KANK2: variants seen among roughly 807,000 people sequenced by gnomAD.
The protein encoded by KANK2 is KN motif and ankyrin repeat domains 2, also known as KN motif and ankyrin repeat domain-containing protein 2.
KANK2 carries 41 observed loss-of-function variants against 74.6 expected under a neutral mutation model. That is an observed-to-expected ratio of 0.55 (90% CI 0.43 to 0.71). The LOEUF is 0.71. Among genes scored for constraint, KANK2 ranks in the 30% least tolerant of loss-of-function variants. KANK2 has a pLI of 0.00. For missense variants in KANK2, 1,148 were observed against 1,196.4 expected (o/e 0.96, Z 0.60); for synonymous variants, 537 against 519.0 (o/e 1.03, Z -0.47).
chr19:11,194,135 C>A, intron 3 of KANK2, 93 bp from the exon 4 acceptor site: 4 of 1,385,220 alleles, frequency 2.9e-6, no homozygotes, highest in Non-Finnish European at 3.9e-6. Context: ...GGTTTATTTG[C>A]CGAAGAGATG....
chr19:11,194,717 G>T (rs555313320), intron 2 of KANK2, 127 bp from the exon 3 acceptor site: 17 of 524,858 alleles, frequency 3.2e-5, no homozygotes, highest in African/African-American at 3.1e-4. Context: ...ACTCATAGAC[G>T]CACACCCAGC....
chr19:11,183,182 A>G (rs2078578532), intron 4 of KANK2, among the ~76,000 whole-genome samples: 1 of 152,226 alleles, frequency 6.6e-6, no homozygotes, highest in South Asian at 2.1e-4. Context: ...CAAAGCTACA[A>G]CCATGAGAAC....
In KANK2 at chr19:11,174,474, G is replaced by A. The variant is rs200918610; in HGVS notation, c.2067C>T (p.Ser689=). Residue 689 remains serine, a splice_region_variant and synonymous_variant, in exon 9 of 13, where the codon AGC becomes AGT. Coordinates refer to ENST00000586659, the MANE Select transcript of KANK2 (RefSeq NM_001136191.3). ...NFPVVQQLLD[S]GVCKVDKQNR... ...CCTCGTCCTCCCCGCTGGGCTCACC[G>A]CTGTCGAGCAGCTGCTGCACCACGG... 39 of 1,604,994 alleles carry A rather than the reference G, an allele frequency of 2.4e-5. No individual in the cohort carries two copies. The highest frequency in any genetic ancestry group is 6.7e-5 in the South Asian group (6 of 89,566).
chr19:11,183,786 G>A (rs1384720019), intron 4 of KANK2, among the ~76,000 whole-genome samples: 1 of 152,082 alleles, frequency 6.6e-6, no homozygotes, highest in Admixed American at 6.6e-5. Flanking sequence ...GAGTAGCTGG[G>A]ATTACAAGTG....
At chr19:11,187,714 A>G (rs1000263884) in intron 4 of KANK2, among the ~76,000 whole-genome samples, 5 of 152,232 alleles carry the variant, frequency 3.3e-5, no homozygotes, top group African/African-American at 7.2e-5. Flanking sequence ...GCAACTGCAA[A>G]ATGAAGGCCC....
In KANK2 at chr19:11,172,158, G is replaced by C. The variant is rs188258761; in HGVS notation, c.2211+823C>G. On this transcript the variant is annotated intron_variant, in intron 10 of 12. Transcript: ENST00000586659. ...GCCCAGCTAATTTTTTAATTTTTTAGTAAAGGCAGGGTTTCACCATGTTGG... is the reference window on the plus strand; with the variant it reads ...GCCCAGCTAATTTTTTAATTTTTTACTAAAGGCAGGGTTTCACCATGTTGG... Among the ~76,000 whole-genome samples the C allele has an allele frequency of 1.3e-3, 189 of 150,690 alleles. 1 individual carries two copies. The highest frequency in any genetic ancestry group is 4.6e-3 in the African/African-American group (187 of 40,386).
chr19:11,195,670 A>AGTCTCTCTGTGTCTCTCCAC lies in KANK2; in HGVS notation c.-148_-129dup, dbSNP rs71164166. The AGTCTCTCTGTGTCTCTCCAC allele has an allele frequency of 7.3e-5, 11 of 150,340 alleles. No homozygotes were observed. Among genetic ancestry groups the AGTCTCTCTGTGTCTCTCCAC allele is most frequent in the Admixed American group, 2.7e-4 (4 of 15,054 alleles). 9.3% of individuals were successfully genotyped at this position (150,340 alleles called of 1,614,324 possible). On this transcript the variant is annotated 5_prime_UTR_variant, in exon 2 of 13. Coordinates refer to ENST00000586659, the MANE Select transcript of KANK2 (RefSeq NM_001136191.3). ...TCCTGTCTTGCTTTGTCTCTCTCCA[A>AGTCTCTCTGTGTCTCTCCAC]GTCTCTCTGTGTCTCTCCACGTCTC...
chr19:11,179,948 C>T (rs955461307), intron 4 of KANK2, among the ~76,000 whole-genome samples: 10 of 152,228 alleles, frequency 6.6e-5, no homozygotes, highest in Non-Finnish European at 1.0e-4. Context: ...GTAACCTGTG[C>T]CTCCCGGATT....
rs983702148 is a variant in KANK2 at position 11,165,027 on chromosome 19, T to C, written c.*1531A>G. 2.2e-4 allele frequency: 34 copies of C among 152,228 alleles called. No individual in the cohort carries two copies. The highest frequency in any genetic ancestry group is 8.2e-4 in the African/African-American group (34 of 41,542). The allele number at this position is 152,228 out of a possible 1,614,324, so 9.4% of individuals were successfully genotyped here. ...AGCGCACTCCTGATCACAAAGCACA[T>C]TTTTAGAGGCTTGGAACCCTTCCCT... On this transcript the variant is annotated 3_prime_UTR_variant, in exon 13 of 13. Coordinates refer to ENST00000586659, the MANE Select transcript of KANK2 (RefSeq NM_001136191.3).
chr19:11,174,555 G>C lies in KANK2; in HGVS notation c.1986C>G (p.Ile662Met), dbSNP rs148849463. The C allele has an allele frequency of 2.5e-6, 4 of 1,613,598 alleles. No homozygotes were observed. The highest frequency in any genetic ancestry group is 1.3e-5 in the African/African-American group (1 of 75,040). The change falls in exon 9 of 13, where the codon ATC becomes ATG. Residue 662 changes from isoleucine (I) to methionine (M), a missense_variant. Physicochemically the swap from Ile to Met is conservative, Grantham distance 10. Transcript: ENST00000586659. ...GGGCTGTGTTGCCGTTGCTGTCGGC[G>C]ATGTTGACCACGTAGTCCAGCAGCC... Reference protein sequence around the residue: ...SARLLDYVVNIADSNGNTALH... With the variant: ...SARLLDYVVNMADSNGNTALH...
intron 8 of KANK2, among the ~76,000 whole-genome samples, chr19:11,175,427 CA>C (rs753933217): frequency 0.013 from 200 of 14,954 alleles, no homozygotes; most frequent in Non-Finnish European, 0.017. Context: ...GACTCCCTCT[CA>C]AAAAAAAAAA....
Position 11,193,523 on chromosome 19 carries a change from G to A in KANK2, c.557C>T (p.Ala186Val), listed in dbSNP as rs1377806143. ...ACCCGCCATCTGCTCCCGCACGTGG[G>A]CCAGGTGCCCGGCACTGGGAGGCAC... is the stretch of plus-strand genomic sequence containing the variant. Reference protein sequence around the residue: ...TPVPPSAGHLAHVREQMAGAL... With the variant: ...TPVPPSAGHLVHVREQMAGAL... Residue 186 changes from alanine (A) to valine (V), a missense_variant, in exon 4 of 13, where the codon GCC (alanine) becomes GTC (valine). Ala to Val is a moderately conservative substitution (Grantham distance 64, BLOSUM62 0). Transcript: ENST00000586659. The surrounding 1 kb of genome is among the most constrained non-coding windows in gnomAD (Gnocchi z 9.6). 6.2e-7 allele frequency: 1 copy of A among 1,607,744 alleles called. No homozygotes were observed. Among genetic ancestry groups the A allele is most frequent in the Non-Finnish European group, 8.5e-7 (1 of 1,179,664 alleles).
chr19:11,171,709 C>T (rs373202801), intron 10 of KANK2, among the ~76,000 whole-genome samples: 1 of 150,052 alleles, frequency 6.7e-6, no homozygotes, highest in East Asian at 2.0e-4. Flanking sequence ...GATGGAGTCT[C>T]ACTCTGTCAC....
Position 11,178,654 on chromosome 19 carries a change from T to C in KANK2, c.1316A>G (p.Gln439Arg). The change falls in exon 5 of 13, where the codon CAG (glutamine) becomes CGG (arginine). Residue 439 changes from glutamine to arginine, a missense_variant. Coordinates refer to ENST00000586659, the MANE Select transcript of KANK2 (RefSeq NM_001136191.3). Reference sequence around the variant, plus strand: ...CACTCGGCCTGTGCTCTTCTCAGGCTGTGTAAGGGAGGCTACCTCGGACCC... The same window carrying C: ...CACTCGGCCTGTGCTCTTCTCAGGCCGTGTAAGGGAGGCTACCTCGGACCC... ...PPGSEVASLT[Q>R]PEKSTGRVPT... 6.4e-7 allele frequency: 1 copy of C among 1,564,970 alleles called. No homozygotes were observed. The highest frequency in any genetic ancestry group is 1.2e-5 in the South Asian group (1 of 83,382).
chr19:11,191,517 C>G (rs1008138603), intron 4 of KANK2, among the ~76,000 whole-genome samples: 4 of 152,248 alleles, frequency 2.6e-5, no homozygotes, highest in African/African-American at 9.6e-5. Flanking sequence ...CTCCCCTACC[C>G]CCGGCGTCCA....
chr19:11,194,394 C>T, intron 3 of KANK2, 81 bp downstream of exon 3: 1 of 1,168,194 alleles, frequency 8.6e-7, no homozygotes, highest in African/African-American at 1.5e-5. Context: ...CTCAAAGTCC[C>T]CAGGGCAAGG....
intron 10 of KANK2, among the ~76,000 whole-genome samples, chr19:11,171,021 C>T (rs1334180353): frequency 1.3e-5 from 2 of 152,096 alleles, no homozygotes; most frequent in African/African-American, 4.8e-5. Context: ...AGAGTTTCAC[C>T]ATGTTGGCCA....
chr19:11,188,608 G>A (rs2078746215), intron 4 of KANK2, among the ~76,000 whole-genome samples: 1 of 151,406 alleles, frequency 6.6e-6, no homozygotes. Flanking sequence ...TTATCTCAGG[G>A]CCTTTGTCCC....
At position 11,166,222 on chromosome 19, in the gene KANK2, CCCTCTT is replaced by C. The variant is rs2078019551; in HGVS notation, c.*330_*335del. On this transcript the variant is annotated 3_prime_UTR_variant, in exon 13 of 13. Coordinates refer to ENST00000586659, the MANE Select transcript of KANK2 (RefSeq NM_001136191.3). ...CAAAAATACAATATTTTTTTCCTCT[CCCTCTT>C]CCTCCATCCATAATTACCAGCTGAT... 1.2e-5 allele frequency: 3 copies of C among 246,128 alleles called. No homozygotes were observed. The highest frequency in any genetic ancestry group is 5.4e-5 in the Admixed American group (1 of 18,412). 15.2% of individuals were successfully genotyped at this position (246,128 alleles called of 1,614,324 possible).
Sources: gnomAD v4.1 joint callset for allele counts (sites outside exome capture counted in the v4.1 genomes callset) on GRCh38, gnomAD v4.1.1 for gene constraint, Gnocchi (gnomAD v3.1) non-coding constraint, MANE v1.5 for transcripts, NCBI Gene and HGNC (gene_info 2026-07-23, HGNC 2026-07-21) for gene names.